Variants in GLRA3 observed in about 807,000 individuals in gnomAD.
The protein encoded by GLRA3 is glycine receptor alpha 3.
Under a neutral mutation model 60.4 loss-of-function variants are expected in GLRA3, and 44 were observed. The observed-to-expected ratio is 0.73, with a 90% CI of 0.57 to 0.94. The LOEUF is 0.94. Ranked by LOEUF, GLRA3 falls within the 40% of genes least tolerant of loss-of-function variation. GLRA3 has a pLI of 0.00. For synonymous variants in GLRA3, 223 were observed against 192.9 expected, an observed-to-expected ratio of 1.16 and a Z score of -1.29; for missense variants, 508 against 564.6, an observed-to-expected ratio of 0.90 and a Z score of 1.02.
At chr4:174,818,828 A>G (rs1740616102) in intron 1 of GLRA3, among the ~76,000 whole-genome samples, 1 of 152,218 alleles carries the variant, frequency 6.6e-6, no homozygotes, top group East Asian at 1.9e-4. Flanking sequence ...GTCTCTTGGT[A>G]TCTTAATAGA....
intron 7 of GLRA3, among the ~76,000 whole-genome samples, chr4:174,674,806 A>G (rs1173504116): frequency 6.6e-6 from 1 of 152,106 alleles, no homozygotes; most frequent in East Asian, 1.9e-4. Context: ...TTCTTTTGTG[A>G]GATTGAGAAC....
intron 3 of GLRA3, among the ~76,000 whole-genome samples, chr4:174,730,636 T>G (rs1005492844): frequency 1.4e-4 from 22 of 152,214 alleles, no homozygotes; most frequent in Admixed American, 1.4e-3. Flanking sequence ...TTAGTACTAG[T>G]GATAAACTTT....
intron 7 of GLRA3, among the ~76,000 whole-genome samples, chr4:174,666,618 A>G (rs1179095449): frequency 1.3e-5 from 2 of 151,666 alleles, no homozygotes; most frequent in African/African-American, 4.8e-5. Flanking sequence ...GAAAAGGAAT[A>G]TAAGCACCAT....
At chr4:174,664,349 G>A (rs187342877) in intron 7 of GLRA3, among the ~76,000 whole-genome samples, 72 of 151,840 alleles carry the variant, frequency 4.7e-4, no homozygotes, top group Middle Eastern at 3.4e-3. Flanking sequence ...TGTCTCCCAC[G>A]CCTCAAACTG....
intron 7 of GLRA3, among the ~76,000 whole-genome samples, chr4:174,667,344 A>C (rs1412777806): frequency 2.0e-5 from 3 of 152,124 alleles, no homozygotes; most frequent in Admixed American, 2.0e-4. Context: ...TGAAACAAGA[A>C]TCCTCATAAG....
At chr4:174,792,058 G>T (rs985617192) in intron 1 of GLRA3, among the ~76,000 whole-genome samples, 6 of 152,154 alleles carry the variant, frequency 3.9e-5, no homozygotes, top group African/African-American at 1.4e-4. Flanking sequence ...TCAACACTAT[G>T]TCAGGCAGTT....
intron 2 of GLRA3, among the ~76,000 whole-genome samples, chr4:174,779,130 G>C (rs1057251593): frequency 6.6e-6 from 1 of 152,210 alleles, no homozygotes; most frequent in African/African-American, 2.4e-5. Flanking sequence ...ATCTGAGAAC[G>C]GGCAGACTGC....
intron 3 of GLRA3, among the ~76,000 whole-genome samples, chr4:174,749,611 G>A (rs979606710): frequency 2.0e-5 from 3 of 152,088 alleles, no homozygotes; most frequent in African/African-American, 7.2e-5. Context: ...GGGAGTCAGG[G>A]ACTGAGAAAT....
At chr4:174,666,579 T>C (rs1415864746) in intron 7 of GLRA3, among the ~76,000 whole-genome samples, 1 of 151,784 alleles carries the variant, frequency 6.6e-6, no homozygotes, top group African/African-American at 2.4e-5. Flanking sequence ...ACTAGTCTTT[T>C]TCATTCTAAA....
At position 174,689,756 on chromosome 4, in the gene GLRA3, T is replaced by TAAAAAAAAAAAAA. The variant is rs553306775; in HGVS notation, c.575-6830_575-6818dup. ...AAAGGCACAGAGTGGTAAGTCGCATTAAAAAAAAAAAAAAAAAAAAAAAAA... is the reference window on the plus strand; with the variant it reads ...AAAGGCACAGAGTGGTAAGTCGCATTAAAAAAAAAAAAAAAAAAAAAAAAAAAAAAAAAAAAAA... On this transcript the variant is annotated intron_variant, in intron 5 of 9. Coordinates refer to ENST00000274093, the MANE Select transcript of GLRA3 (RefSeq NM_006529.4). Among the ~76,000 whole-genome samples, 15 of 39,538 alleles carry TAAAAAAAAAAAAA rather than the reference T, an allele frequency of 3.8e-4. 1 individual carries two copies. The highest frequency in any genetic ancestry group is 7.8e-4 in the South Asian group (1 of 1,276). The allele number at this position is 39,538 out of a possible 152,430, so 25.9% of individuals were successfully genotyped here.
intron 1 of GLRA3, among the ~76,000 whole-genome samples, chr4:174,792,682 G>A (rs1739403144): frequency 6.6e-6 from 1 of 152,146 alleles, no homozygotes; most frequent in African/African-American, 2.4e-5. Flanking sequence ...AGGCACCTGT[G>A]AAGTTAAAAA....
At chr4:174,725,827 C>T (rs753270242) in intron 4 of GLRA3, among the ~76,000 whole-genome samples, 3 of 152,124 alleles carry the variant, frequency 2.0e-5, no homozygotes, top group Non-Finnish European at 2.9e-5. Flanking sequence ...TTGTCTTTTT[C>T]CAGAATTATT....
At chr4:174,818,491 A>G (rs2111390080) in intron 1 of GLRA3, among the ~76,000 whole-genome samples, 1 of 152,280 alleles carries the variant, frequency 6.6e-6, no homozygotes, top group East Asian at 1.9e-4. Flanking sequence ...TACACATAAA[A>G]CCTAATTCTC....
chr4:174,665,237 C>CT (rs34499494), intron 7 of GLRA3, among the ~76,000 whole-genome samples: 10 of 127,462 alleles, frequency 7.8e-5, no homozygotes, highest in Middle Eastern at 4.1e-3. Context: ...TTTGTATTTA[C>CT]TTTTTTTTTT....
Position 174,766,034 on chromosome 4 carries a change from C to A in GLRA3, c.267+929G>T, listed in dbSNP as rs79628962. Among the ~76,000 whole-genome samples the A allele has an allele frequency of 9.6e-4, 146 of 151,610 alleles. 2 individuals are homozygous for A. The East Asian group carries it at 0.027, about 28-fold the overall frequency. On this transcript the variant is annotated intron_variant, in intron 3 of 9. Coordinates refer to ENST00000274093, the MANE Select transcript of GLRA3 (RefSeq NM_006529.4). ...ACACACACCTCTACACACACTTACACCCTCATATATGTAAAAATTTGCATA... is the reference window on the plus strand; with the variant it reads ...ACACACACCTCTACACACACTTACAACCTCATATATGTAAAAATTTGCATA...
At chr4:174,658,003 A>T (rs1733278713) in intron 8 of GLRA3, among the ~76,000 whole-genome samples, 1 of 152,172 alleles carries the variant, frequency 6.6e-6, no homozygotes, top group Non-Finnish European at 1.5e-5. Context: ...TACTAAGTAG[A>T]TTCAAGCACT....
intron 5 of GLRA3, among the ~76,000 whole-genome samples, chr4:174,709,150 A>G (rs1362802531): frequency 6.6e-6 from 1 of 152,118 alleles, no homozygotes; most frequent in African/African-American, 2.4e-5. Context: ...GCTTTAAAAA[A>G]TTCAGGTAAT....
intron 2 of GLRA3, among the ~76,000 whole-genome samples, chr4:174,786,039 G>A (rs1739118738): frequency 6.6e-6 from 1 of 151,010 alleles, no homozygotes; most frequent in Non-Finnish European, 1.5e-5. Flanking sequence ...AAAGTGCTGG[G>A]ATTAGAGGCA....
chr4:174,761,002 A>T (rs932128752), intron 3 of GLRA3, among the ~76,000 whole-genome samples: 7 of 152,144 alleles, frequency 4.6e-5, no homozygotes, highest in Non-Finnish European at 1.0e-4. Context: ...TTTTGATTAT[A>T]TTTTCATACA....
Sources: gnomAD v4.1 joint callset for allele counts (sites outside exome capture counted in the v4.1 genomes callset) on GRCh38, gnomAD v4.1.1 for gene constraint, MANE v1.5 for transcripts, NCBI Gene and HGNC (gene_info 2026-07-23, HGNC 2026-07-21) for gene names.